NFE2L3: variants seen among roughly 807,000 people sequenced by gnomAD.
The protein encoded by NFE2L3 is nuclear factor erythroid 2-related factor 3.
Under a neutral mutation model 23.5 loss-of-function variants are expected in NFE2L3, and 18 were observed. That is an observed-to-expected ratio of 0.77 (90% CI 0.53 to 1.13). The LOEUF (loss-of-function observed/expected upper bound fraction) is 1.13, where lower values mean the gene tolerates loss of function less well. NFE2L3 is among the 50% of genes most tolerant of loss of function. The pLI is 0.00. For synonymous variants in NFE2L3, 424 were observed against 354.5 expected (o/e 1.20, Z -2.20); for missense variants, 1,152 against 877.2 (o/e 1.31, Z -3.96).
At chr7:26,162,197 A>G (rs1488962031) in intron 1 of NFE2L3, among the ~76,000 whole-genome samples, 1 of 152,136 alleles carries the variant, frequency 6.6e-6, no homozygotes, top group Non-Finnish European at 1.5e-5. Flanking sequence ...AGCTGAGCTA[A>G]AAATATTAGC....
chr7:26,182,866 T>TC (rs1782358160), intron 2 of NFE2L3, among the ~76,000 whole-genome samples: 1 of 152,204 alleles, frequency 6.6e-6, no homozygotes, highest in African/African-American at 2.4e-5. Flanking sequence ...CTGTCACGAC[T>TC]CACTGCAGCC....
At chr7:26,153,370 T>G (rs1784028977) in intron 1 of NFE2L3, among the ~76,000 whole-genome samples, 1 of 152,106 alleles carries the variant, frequency 6.6e-6, no homozygotes, top group East Asian at 1.9e-4. Context: ...GGAGAAGCAA[T>G]GCCCACTGTC....
chr7:26,169,150 T>C (rs1346503378), intron 1 of NFE2L3, among the ~76,000 whole-genome samples: 1 of 152,208 alleles, frequency 6.6e-6, no homozygotes, highest in Non-Finnish European at 1.5e-5. Flanking sequence ...ATTACAGTAG[T>C]AAATCCTCCA....
intron 1 of NFE2L3, among the ~76,000 whole-genome samples, chr7:26,172,701 G>A (rs1320105921): frequency 1.3e-5 from 2 of 152,188 alleles, no homozygotes; most frequent in East Asian, 3.8e-4. Flanking sequence ...TCAATGATTA[G>A]ATTGAGATTA....
rs558306887 is a variant in NFE2L3, at chr7:26,152,980, G to A, written c.482G>A (p.Arg161Gln). The A allele has an allele frequency of 2.4e-5, 36 of 1,506,168 alleles. No homozygotes were observed. The East Asian group carries it at 9.4e-4, about 39-fold the overall frequency. The allele number at this position is 1,506,168 out of a possible 1,614,324, so 93.3% of individuals were successfully genotyped here. A position where few individuals can be genotyped will look rare whatever the true frequency, so the allele number is the denominator to read the frequency against. Residue 161 changes from arginine (R) to glutamine (Q), a missense_variant, in exon 1 of 4, where the codon CGG becomes CAG. By Grantham distance (43) the Arg-to-Gln change is conservative. Transcript: ENST00000056233. This position sits in a 1 kb window ranked among gnomAD's most constrained non-coding sequence, Gnocchi z 4.4. ...GGCGGCGGGGACCCCCGAGCGGCTC[G>A]GAGTGGCCCCTTGGACGCCGGGGAA... is the stretch of plus-strand genomic sequence containing the variant. ...QGGGGDPRAA[R>Q]SGPLDAGEEE...
In NFE2L3 at chr7:26,155,207, C is replaced by T. The variant is rs148710441; in HGVS notation, c.570+2139C>T. 4.0e-3 allele frequency among the ~76,000 whole-genome samples: 604 copies of T among 152,256 alleles called. 4 individuals carry two copies. Among genetic ancestry groups the T allele is most frequent in the African/African-American group, 0.014 (579 of 41,542 alleles). On this transcript the variant is annotated intron_variant, in intron 1 of 3. Coordinates refer to ENST00000056233, the MANE Select transcript of NFE2L3 (RefSeq NM_004289.7). ...CCTGTTATCCCAGCACTTTGGGAGG[C>T]TGAGGCAGGCAGATCACTTGAGGTC...
intron 1 of NFE2L3, among the ~76,000 whole-genome samples, chr7:26,161,335 C>CTTTTTTTTTTTTT: frequency 1.4e-5 from 1 of 69,576 alleles, no homozygotes. Flanking sequence ...GCTTCTCTCT[C>CTTTTTTTTTTTTT]TTTTTTTTTT....
At position 26,177,887 on chromosome 7, in the gene NFE2L3, C is replaced by T. The variant is rs1206355244; in HGVS notation, c.571-56C>T. 11 of 1,467,708 alleles carry T rather than the reference C, an allele frequency of 7.5e-6. No homozygotes were observed. The East Asian group carries it at 2.5e-4, about 33-fold the overall frequency. 90.9% of individuals were successfully genotyped at this position (1,467,708 alleles called of 1,614,324 possible). ...GTTTTCATGGTCCCTGAACAATAAG[C>T]ACAATGCAGTTTTAAAGACTGTTTG... On this transcript the variant is annotated intron_variant, in intron 1 of 3. Coordinates refer to ENST00000056233, the MANE Select transcript of NFE2L3 (RefSeq NM_004289.7).
At chr7:26,184,407 C>A (rs990906277) in intron 3 of NFE2L3, 126 bp from the exon 4 acceptor site, 1 of 829,248 alleles carries the variant, frequency 1.2e-6, no homozygotes, top group Non-Finnish European at 1.9e-6. Flanking sequence ...AAGTTACTGC[C>A]AACAGCATCT....
chr7:26,155,634 G>A (rs1784070276), intron 1 of NFE2L3, among the ~76,000 whole-genome samples: 1 of 152,068 alleles, frequency 6.6e-6, no homozygotes, highest in African/African-American at 2.4e-5. Flanking sequence ...TCTGGGATGG[G>A]GTGACTCAGC....
intron 1 of NFE2L3, among the ~76,000 whole-genome samples, chr7:26,153,936 T>G (rs777434439): frequency 1.3e-5 from 2 of 152,228 alleles, no homozygotes; most frequent in African/African-American, 4.8e-5. Flanking sequence ...GCTCAAACTT[T>G]AGTGTTTGCA....
intron 1 of NFE2L3, among the ~76,000 whole-genome samples, chr7:26,154,267 C>G (rs920072963): frequency 1.3e-5 from 2 of 152,202 alleles, no homozygotes; most frequent in Admixed American, 6.5e-5. Context: ...TTCTTCCCCA[C>G]TCACTCATCC....
At chr7:26,181,187 G>A (rs1244772281) in intron 2 of NFE2L3, among the ~76,000 whole-genome samples, 4 of 152,062 alleles carry the variant, frequency 2.6e-5, no homozygotes, top group African/African-American at 9.7e-5. Flanking sequence ...ATGTTGCTCA[G>A]GCTGGTCTCA....
chr7:26,153,233 GCTA>G (rs2128096708), intron 1 of NFE2L3, among the ~76,000 whole-genome samples, 165 bp downstream of exon 1: 1 of 152,386 alleles, frequency 6.6e-6, no homozygotes, highest in South Asian at 2.1e-4. Flanking sequence ...CGAATGAAGG[GCTA>G]CTAGTGCTGT....
rs558886733 is a variant in NFE2L3 at position 26,183,597 on chromosome 7, T to C, written c.751-104T>C. ...ACCAAGGAACATAATAGCATAAAAA[T>C]CCAGTGTGGAAATAATACCTGGTGA... On this transcript the variant is annotated intron_variant, in intron 2 of 3. Transcript: ENST00000056233. 2.0e-5 allele frequency: 14 copies of C among 713,424 alleles called. No individual in the cohort carries two copies. In the Admixed American group the frequency reaches 2.5e-4, roughly 13 times the overall value. 44.2% of individuals were successfully genotyped at this position (713,424 alleles called of 1,614,324 possible). A position where few individuals can be genotyped will look rare whatever the true frequency, so the allele number is the denominator to read the frequency against.
intron 1 of NFE2L3, chr7:26,174,416 T>G (rs1382653736): frequency 6.6e-6 from 1 of 152,172 alleles, no homozygotes; most frequent in Non-Finnish European, 1.5e-5. Flanking sequence ...GATAGTAGGC[T>G]GATGCGAATT....
chr7:26,155,766 C>A (rs532696722), intron 1 of NFE2L3, among the ~76,000 whole-genome samples: 1 of 152,152 alleles, frequency 6.6e-6, no homozygotes, highest in Non-Finnish European at 1.5e-5. Context: ...CTGGTCTTTG[C>A]GGTCAGCTAG....
intron 1 of NFE2L3, among the ~76,000 whole-genome samples, chr7:26,163,918 GTTC>G (rs1482400018): frequency 6.6e-6 from 1 of 151,800 alleles, no homozygotes; most frequent in Non-Finnish European, 1.5e-5. Flanking sequence ...GTGGTTTTCT[GTTC>G]TTGTGCTAGT....
rs565930745 is a variant in NFE2L3 at position 26,169,974 on chromosome 7, C to T, written c.571-7969C>T. Among the ~76,000 whole-genome samples the T allele has an allele frequency of 5.3e-5, 8 of 152,274 alleles. 1 individual carries two copies. The East Asian group carries it at 1.5e-3, about 29-fold the overall frequency. The stretch of plus-strand genomic sequence containing the variant: ...CTTCTTAAGAGCTATGCAGTCTCTT[C>T]TTCCCCTTCTTAAGAGCTATGCAGT... On this transcript the variant is annotated intron_variant, in intron 1 of 3. Coordinates refer to ENST00000056233, the MANE Select transcript of NFE2L3 (RefSeq NM_004289.7).
Sources: gnomAD v4.1 joint callset for allele counts (sites outside exome capture counted in the v4.1 genomes callset) on GRCh38, gnomAD v4.1.1 for gene constraint, Gnocchi (gnomAD v3.1) non-coding constraint, MANE v1.5 for transcripts, NCBI Gene and HGNC (gene_info 2026-07-23, HGNC 2026-07-21) for gene names.